NUGGC: variants seen among roughly 807,000 people sequenced by gnomAD.
The protein encoded by NUGGC is nuclear GTPase SLIP-GC.
NUGGC carries 58 observed loss-of-function variants against 92.6 expected under a neutral mutation model. The ratio of observed to expected loss-of-function variants is 0.63; its 90% confidence interval spans 0.51 to 0.78. The LOEUF (loss-of-function observed/expected upper bound fraction) is 0.78, where lower values mean the gene tolerates loss of function less well. Ranked by LOEUF, NUGGC falls within the 30% of genes least tolerant of loss-of-function variation. The probability of loss-of-function intolerance (pLI) is 0.00; values close to 1 mark genes in which losing one functional copy is unlikely to be tolerated. For missense variants in NUGGC, 925 were observed against 964.6 expected, an observed-to-expected ratio of 0.96 and a Z score of 0.54; for synonymous variants, 376 against 366.4, an observed-to-expected ratio of 1.03 and a Z score of -0.30.
intron 18 of NUGGC, among the ~76,000 whole-genome samples, chr8:28,025,492 A>G (rs1809234776): frequency 6.6e-6 from 1 of 152,228 alleles, no homozygotes; most frequent in Admixed American, 6.5e-5. Context: ...GCTGGTCAAG[A>G]TCTCTGGCAA....
At chr8:28,030,948 C>T (rs371440895) in intron 15 of NUGGC, among the ~76,000 whole-genome samples, 4 of 152,296 alleles carry the variant, frequency 2.6e-5, no homozygotes, top group African/African-American at 9.6e-5. Context: ...AATTTTCATA[C>T]AATTAAGGCT....
At chr8:28,058,860 G>A (rs934961232) in intron 8 of NUGGC, among the ~76,000 whole-genome samples, 2 of 151,880 alleles carry the variant, frequency 1.3e-5, no homozygotes, top group Non-Finnish European at 2.9e-5. Flanking sequence ...GCATCACCAC[G>A]CCCGGCCAAT....
intron 4 of NUGGC, among the ~76,000 whole-genome samples, chr8:28,069,329 G>A (rs2130254157): frequency 6.6e-6 from 1 of 152,220 alleles, no homozygotes; most frequent in South Asian, 2.1e-4. Context: ...AGTGTTGGAT[G>A]GGTTAAATGA....
At chr8:28,048,592 G>A (rs528029939) in intron 10 of NUGGC, among the ~76,000 whole-genome samples, 7 of 151,974 alleles carry the variant, frequency 4.6e-5, no homozygotes, top group African/African-American at 7.2e-5. Flanking sequence ...GTCTGGGTGC[G>A]GTGGTTCACA....
At chr8:28,048,656 GT>G (rs1350582001) in intron 10 of NUGGC, among the ~76,000 whole-genome samples, 2 of 152,114 alleles carry the variant, frequency 1.3e-5, no homozygotes, top group Non-Finnish European at 2.9e-5. Flanking sequence ...AAGGTCAGGA[GT>G]TCGAGACCAG....
chr8:28,056,373 G>C (rs1810137518), intron 9 of NUGGC, among the ~76,000 whole-genome samples: 1 of 151,940 alleles, frequency 6.6e-6, no homozygotes, highest in Admixed American at 6.6e-5. Context: ...AGCTACTCGG[G>C]AGGCTGAGGC....
intron 17 of NUGGC, among the ~76,000 whole-genome samples, chr8:28,027,554 C>G (rs965074056): frequency 2.6e-5 from 4 of 152,176 alleles, no homozygotes; most frequent in Admixed American, 2.0e-4. Context: ...ACTCTTAGTC[C>G]TTTTATCAAC....
chr8:28,023,696 T>C (rs958539873), intron 18 of NUGGC, among the ~76,000 whole-genome samples: 1 of 152,184 alleles, frequency 6.6e-6, no homozygotes, highest in Non-Finnish European at 1.5e-5. Context: ...GAGAAGTCAC[T>C]GGGTCTGTAT....
At chr8:28,038,539 T>A (rs28583218) in intron 13 of NUGGC, among the ~76,000 whole-genome samples, 4 of 152,172 alleles carry the variant, frequency 2.6e-5, no homozygotes, top group Non-Finnish European at 4.4e-5. Context: ...CCCGGTCACA[T>A]AGCTGGCAGA....
In NUGGC at chr8:28,022,460, G is replaced by A. The variant is rs2130039125; in HGVS notation, c.*857C>T. On this transcript the variant is annotated 3_prime_UTR_variant, in exon 19 of 19. Coordinates refer to ENST00000413272, the MANE Select transcript of NUGGC (RefSeq NM_001010906.2). ...GGAGTGAGCCACCATGCCCAGCGATGTTTAGATGTTTTTGCGGAAGCAAAA... is the reference window on the plus strand; with the variant it reads ...GGAGTGAGCCACCATGCCCAGCGATATTTAGATGTTTTTGCGGAAGCAAAA... 6.6e-6 allele frequency: 1 copy of A among 152,076 alleles called. No individual in the cohort carries two copies. Among genetic ancestry groups the A allele is most frequent in the Non-Finnish European group, 1.5e-5 (1 of 67,944 alleles). The allele number at this position is 152,076 out of a possible 1,614,324, so 9.4% of individuals were successfully genotyped here.
chr8:28,025,095 AG>A (rs1230123376), intron 18 of NUGGC, among the ~76,000 whole-genome samples: 1 of 152,160 alleles, frequency 6.6e-6, no homozygotes, highest in Non-Finnish European at 1.5e-5. Context: ...AGCTCCATGA[AG>A]GTGGGGACTC....
At position 28,022,446 on chromosome 8, in the gene NUGGC, C is replaced by T. The variant is rs1399147934; in HGVS notation, c.*871G>A. The T allele has an allele frequency of 6.6e-6, 1 of 150,800 alleles. No individual in the cohort carries two copies. Among genetic ancestry groups the T allele is most frequent in the African/African-American group, 2.4e-5 (1 of 41,318 alleles). 9.3% of individuals were successfully genotyped at this position (150,800 alleles called of 1,614,324 possible). On this transcript the variant is annotated 3_prime_UTR_variant, in exon 19 of 19. Transcript: ENST00000413272. ...GTGCTGGGATTACGGGAGTGAGCCA[C>T]CATGCCCAGCGATGTTTAGATGTTT...
At chr8:28,040,796 G>A (rs1280498363) in intron 13 of NUGGC, among the ~76,000 whole-genome samples, 3 of 151,960 alleles carry the variant, frequency 2.0e-5, no homozygotes, top group Admixed American at 2.0e-4. Flanking sequence ...ACAGGCACAC[G>A]CCACCACACC....
At chr8:28,024,265 G>A (rs555298656) in intron 18 of NUGGC, among the ~76,000 whole-genome samples, 1 of 143,582 alleles carries the variant, frequency 7.0e-6, no homozygotes, top group African/African-American at 2.6e-5. Flanking sequence ...GGCTGGTCTC[G>A]AACTCTTGAC....
At chr8:28,045,891 C>T (rs187899483) in intron 11 of NUGGC, among the ~76,000 whole-genome samples, 73 of 152,070 alleles carry the variant, frequency 4.8e-4, no homozygotes, top group South Asian at 8.3e-4. Flanking sequence ...TTTATTTAGC[C>T]GTATTAAAAA....
At chr8:28,035,474 C>T (rs577229407) in intron 13 of NUGGC, among the ~76,000 whole-genome samples, 1 of 152,234 alleles carries the variant, frequency 6.6e-6, no homozygotes. Context: ...CCAAAGATAC[C>T]CGGCTGCTCG....
At chr8:28,063,201 C>T (rs1810350183) in intron 7 of NUGGC, among the ~76,000 whole-genome samples, 4 of 152,144 alleles carry the variant, frequency 2.6e-5, no homozygotes, top group Admixed American at 2.6e-4. Flanking sequence ...GAGAGGAGGT[C>T]AAGAAAACCC....
chr8:28,029,503 C>A, intron 16 of NUGGC, 101 bp from the exon 17 acceptor site: 1 of 1,362,974 alleles, frequency 7.3e-7, no homozygotes, highest in Non-Finnish European at 1.0e-6. Flanking sequence ...AATCCCAGCG[C>A]TTTGGGAGGC....
chr8:28,045,350 A>C (rs933612883), intron 12 of NUGGC, among the ~76,000 whole-genome samples, 177 bp downstream of exon 12: 5 of 152,122 alleles, frequency 3.3e-5, no homozygotes, highest in Non-Finnish European at 2.9e-5. Context: ...TTTCTCTTTT[A>C]CCCAAATGTT....
Sources: gnomAD v4.1 joint callset for allele counts (sites outside exome capture counted in the v4.1 genomes callset) on GRCh38, gnomAD v4.1.1 for gene constraint, MANE v1.5 for transcripts, NCBI Gene and HGNC (gene_info 2026-07-23, HGNC 2026-07-21) for gene names.